Variants in GABRA2 observed in about 807,000 individuals in gnomAD.
GABRA2 encodes the protein gamma-aminobutyric acid receptor subunit alpha-2.
Under a neutral mutation model 48.7 loss-of-function variants are expected in GABRA2, and 16 were observed. That is an observed-to-expected ratio of 0.33 (90% confidence interval 0.22 to 0.50). The LOEUF (loss-of-function observed/expected upper bound fraction) is 0.50. Among genes scored for constraint, GABRA2 ranks in the 20% least tolerant of loss-of-function variants. The probability of loss-of-function intolerance (pLI) is 0.98; values close to 1 mark genes in which losing one functional copy is unlikely to be tolerated. For synonymous variants in GABRA2, 185 were observed against 184.5 expected (o/e 1.00, Z -0.02); for missense variants, 275 against 535.6 (o/e 0.51, Z 4.80).
At chr4:46,285,786 G>A (rs1002598925) in intron 8 of GABRA2, among the ~76,000 whole-genome samples, 3 of 151,304 alleles carry the variant, frequency 2.0e-5, no homozygotes, top group Non-Finnish European at 4.4e-5. Context: ...TAAGTCATCT[G>A]CATAAAATAT....
intron 5 of GABRA2, among the ~76,000 whole-genome samples, chr4:46,310,573 A>T (rs1727474463): frequency 6.6e-6 from 1 of 152,102 alleles, no homozygotes; most frequent in Non-Finnish European, 1.5e-5. Flanking sequence ...TTGAAATCTT[A>T]AGGGCCAAAA....
At chr4:46,307,801 TTTAGA>T (rs1157436268) in intron 6 of GABRA2, among the ~76,000 whole-genome samples, 2 of 152,172 alleles carry the variant, frequency 1.3e-5, no homozygotes, top group African/African-American at 4.8e-5. Context: ...CACTTCATTA[TTTAGA>T]TAAGAATATA....
intron 3 of GABRA2, among the ~76,000 whole-genome samples, chr4:46,332,991 G>C (rs1578084052): frequency 6.6e-6 from 1 of 152,030 alleles, no homozygotes; most frequent in Non-Finnish European, 1.5e-5. Flanking sequence ...AAGTGAAATA[G>C]TTTATAATAA....
At chr4:46,365,138 A>T (rs1713843193) in intron 3 of GABRA2, 1 of 152,192 alleles carries the variant, frequency 6.6e-6, no homozygotes, top group African/African-American at 2.4e-5. Context: ...AAGAAAAGCC[A>T]GATGAAGTTA....
intron 4 of GABRA2, among the ~76,000 whole-genome samples, chr4:46,317,297 G>T (rs112185897): frequency 3.9e-5 from 6 of 151,910 alleles, no homozygotes; most frequent in African/African-American, 1.4e-4. Flanking sequence ...TGGAAGCAGG[G>T]TAATCAGCTT....
chr4:46,254,879 T>A (rs900606724), intron 9 of GABRA2, among the ~76,000 whole-genome samples: 2 of 151,550 alleles, frequency 1.3e-5, no homozygotes, highest in African/African-American at 4.8e-5. Context: ...TACACTCACT[T>A]GTACCCCCTA....
chr4:46,326,768 T>C lies in GABRA2; in HGVS notation c.255+5847A>G, dbSNP rs920085228. ...GCCATCTGTACTCCAGGCTTCTCTA[T>C]TGGGCTCCAGATCTATGCCTGCTAC... On this transcript the variant is annotated intron_variant, in intron 4 of 9. Coordinates refer to ENST00000381620, the MANE Select transcript of GABRA2 (RefSeq NM_000807.4). 7.2e-5 allele frequency among the ~76,000 whole-genome samples: 11 copies of C among 152,062 alleles called. No individual in the cohort carries two copies. The East Asian group carries it at 1.6e-3, about 22-fold the overall frequency.
chr4:46,370,813 T>C (rs1239748348), intron 3 of GABRA2, among the ~76,000 whole-genome samples: 1 of 152,102 alleles, frequency 6.6e-6, no homozygotes, highest in African/African-American at 2.4e-5. Flanking sequence ...ATACTCTGTC[T>C]ATTTCTCTAC....
At chr4:46,367,914 T>G (rs1483658314) in intron 3 of GABRA2, 1 of 152,116 alleles carries the variant, frequency 6.6e-6, no homozygotes, top group East Asian at 1.9e-4. Context: ...CCTGCCACCT[T>G]GAAGTTAAAC....
chr4:46,247,162 G>C lies in GABRA2; in HGVS notation c.*3146C>G, dbSNP rs913720571. ...TTCAAAATAGAGAGATACCTGAAAA[G>C]ATTTCTAAACATTAAGATTGGCACT... On this transcript the variant is annotated 3_prime_UTR_variant, in exon 10 of 10. Coordinates refer to ENST00000381620, the MANE Select transcript of GABRA2 (RefSeq NM_000807.4). Among the ~76,000 whole-genome samples, 2 of 151,064 alleles carry C rather than the reference G, an allele frequency of 1.3e-5. No homozygotes were observed. Among genetic ancestry groups the C allele is most frequent in the Non-Finnish European group, 3.0e-5 (2 of 67,456 alleles).
At chr4:46,296,657 A>G (rs552308343) in intron 8 of GABRA2, among the ~76,000 whole-genome samples, 22 of 136,386 alleles carry the variant, frequency 1.6e-4, no homozygotes, top group South Asian at 9.0e-4. Flanking sequence ...TATCAGGGGG[A>G]AAAAAAAAAA....
At chr4:46,323,348 A>T (rs1375544565) in intron 4 of GABRA2, among the ~76,000 whole-genome samples, 1 of 151,956 alleles carries the variant, frequency 6.6e-6, no homozygotes, top group African/African-American at 2.4e-5. Flanking sequence ...ATTCGTGCTA[A>T]AATACTGTTT....
At chr4:46,258,879 A>C (rs180934843) in intron 9 of GABRA2, among the ~76,000 whole-genome samples, 44 of 152,006 alleles carry the variant, frequency 2.9e-4, no homozygotes, top group Admixed American at 7.9e-4. Context: ...GTAAATGAAA[A>C]GGAAATTAGA....
Position 46,303,487 on chromosome 4 carries a change from C to A in GABRA2, c.829G>T (p.Glu277Ter). ...LSQVSFWLNR[E>*]SVPARTVFGV... is the part of the protein sequence containing the mutation. ...AACACAGTTCTTGCAGGCACAGATTCTCTGTTAAGCCAGAATGAAACTTGG... is the reference window on the plus strand; with the variant it reads ...AACACAGTTCTTGCAGGCACAGATTATCTGTTAAGCCAGAATGAAACTTGG... The change falls in exon 8 of 10, where the codon GAA becomes TAA. Residue 277 changes from glutamate (E) to a stop codon, truncating the protein, a stop_gained. Coordinates refer to ENST00000381620, the MANE Select transcript of GABRA2 (RefSeq NM_000807.4). LOFTEE classifies it high-confidence loss of function. 1 of 1,614,058 alleles carries A rather than the reference C, an allele frequency of 6.2e-7. No homozygotes were observed. Among genetic ancestry groups the A allele is most frequent in the Non-Finnish European group, 8.5e-7 (1 of 1,179,954 alleles).
intron 8 of GABRA2, among the ~76,000 whole-genome samples, chr4:46,299,086 C>T (rs1256429655): frequency 6.6e-6 from 1 of 151,124 alleles, no homozygotes; most frequent in Non-Finnish European, 1.5e-5. Context: ...TTTTTGTTCA[C>T]TGAGCTTCAA....
At chr4:46,382,356 T>A (rs906414197) in intron 3 of GABRA2, among the ~76,000 whole-genome samples, 3 of 151,764 alleles carry the variant, frequency 2.0e-5, no homozygotes, top group Non-Finnish European at 4.4e-5. Flanking sequence ...GGGAAGAGAA[T>A]ACAAGCAGGG....
chr4:46,254,771 T>A (rs1473780048), intron 9 of GABRA2, among the ~76,000 whole-genome samples: 1 of 151,538 alleles, frequency 6.6e-6, no homozygotes, highest in Admixed American at 6.6e-5. Context: ...TAAATTTCAC[T>A]AGACTTCTCT....
intron 3 of GABRA2, among the ~76,000 whole-genome samples, chr4:46,350,534 T>C (rs752270046): frequency 1.8e-4 from 28 of 151,870 alleles, no homozygotes; most frequent in Non-Finnish European, 4.0e-4. Context: ...TAAATACACA[T>C]GCATCTATCT....
chr4:46,279,374 C>T (rs1721084464), intron 8 of GABRA2, among the ~76,000 whole-genome samples: 1 of 152,040 alleles, frequency 6.6e-6, no homozygotes, highest in South Asian at 2.1e-4. Flanking sequence ...TATCTATTAC[C>T]TCTGTACAAG....
Sources: gnomAD v4.1 joint callset for allele counts (sites outside exome capture counted in the v4.1 genomes callset) on GRCh38, gnomAD v4.1.1 for gene constraint, MANE v1.5 for transcripts, NCBI Gene and HGNC (gene_info 2026-07-23, HGNC 2026-07-21) for gene names.